VAT1L: variants seen among roughly 807,000 people sequenced by gnomAD.
The protein encoded by VAT1L is vesicle amine transport 1 like.
In VAT1L, 34 loss-of-function variants were observed where a neutral mutation model predicts 44.1. The ratio of observed to expected loss-of-function variants is 0.77; its 90% confidence interval spans 0.59 to 1.03. The LOEUF (loss-of-function observed/expected upper bound fraction) is 1.03, where lower values mean the gene tolerates loss of function less well. VAT1L is among the 50% of genes least tolerant of loss of function. The pLI, the probability that VAT1L is intolerant of heterozygous loss-of-function variation, is 0.00. For synonymous variants in VAT1L, 253 were observed against 202.2 expected (o/e 1.25, Z -2.13); for missense variants, 615 against 538.8 (o/e 1.14, Z -1.40).
At chr16:77,856,914 C>G (rs988499681) in intron 3 of VAT1L, among the ~76,000 whole-genome samples, 1 of 152,166 alleles carries the variant, frequency 6.6e-6, no homozygotes, top group Admixed American at 6.5e-5. Context: ...GCCAGGTAAC[C>G]TTGGGAACTT....
chr16:77,866,297 G>T (rs1273081400), intron 4 of VAT1L, among the ~76,000 whole-genome samples: 1 of 152,204 alleles, frequency 6.6e-6, no homozygotes, highest in Admixed American at 6.5e-5. Context: ...ATCAACAGAA[G>T]GGAAATAGTT....
At chr16:77,906,060 C>A (rs753489826) in intron 7 of VAT1L, among the ~76,000 whole-genome samples, 2 of 152,158 alleles carry the variant, frequency 1.3e-5, no homozygotes, top group East Asian at 3.9e-4. Flanking sequence ...CCACTGTCCC[C>A]CCAGTAATGA....
chr16:77,880,808 C>A (rs537726541), intron 6 of VAT1L, among the ~76,000 whole-genome samples: 1 of 151,974 alleles, frequency 6.6e-6, no homozygotes, highest in East Asian at 1.9e-4. Context: ...ATATTTATGT[C>A]CATGAGTACC....
intron 1 of VAT1L, among the ~76,000 whole-genome samples, chr16:77,797,881 C>G (rs1192188513): frequency 1.3e-5 from 2 of 152,206 alleles, no homozygotes; most frequent in African/African-American, 4.8e-5. Flanking sequence ...TTTGATTCCT[C>G]TGTGTGTGAT....
chr16:77,901,559 T>C (rs2017383663), intron 7 of VAT1L, among the ~76,000 whole-genome samples: 1 of 152,202 alleles, frequency 6.6e-6, no homozygotes, highest in African/African-American at 2.4e-5. Context: ...CTGGGTCCTA[T>C]CAAGTGCCTC....
intron 7 of VAT1L, among the ~76,000 whole-genome samples, chr16:77,934,388 G>A (rs986785410): frequency 1.3e-5 from 2 of 151,974 alleles, no homozygotes; most frequent in African/African-American, 4.8e-5. Flanking sequence ...GATTTTACAG[G>A]TGTGATTAAG....
intron 7 of VAT1L, among the ~76,000 whole-genome samples, chr16:77,954,048 G>C (rs181582853): frequency 1.1e-4 from 16 of 152,164 alleles, no homozygotes; most frequent in South Asian, 6.2e-4. Flanking sequence ...ACTGAGATTC[G>C]TCCCTGAAAC....
chr16:77,795,001 T>C (rs2015902501), intron 1 of VAT1L, among the ~76,000 whole-genome samples: 1 of 152,206 alleles, frequency 6.6e-6, no homozygotes, highest in Non-Finnish European at 1.5e-5. Context: ...AAAGGAAACC[T>C]AGAATCAGTG....
At chr16:77,859,748 G>C (rs2016897098) in intron 3 of VAT1L, among the ~76,000 whole-genome samples, 1 of 152,218 alleles carries the variant, frequency 6.6e-6, no homozygotes, top group African/African-American at 2.4e-5. Context: ...GGGACGTGGG[G>C]TTGAGGGAGG....
At chr16:77,938,630 C>T (rs1284129120) in intron 7 of VAT1L, among the ~76,000 whole-genome samples, 1 of 152,118 alleles carries the variant, frequency 6.6e-6, no homozygotes, top group Non-Finnish European at 1.5e-5. Context: ...GCCTGCTTCC[C>T]CTTTACCTTC....
intron 4 of VAT1L, among the ~76,000 whole-genome samples, chr16:77,865,509 G>C (rs533278326): frequency 2.0e-5 from 3 of 152,204 alleles, no homozygotes; most frequent in Non-Finnish European, 4.4e-5. Flanking sequence ...GTGGAATATA[G>C]AGTCTTAACG....
chr16:77,906,748 T>C (rs952394301), intron 7 of VAT1L, among the ~76,000 whole-genome samples: 4 of 152,146 alleles, frequency 2.6e-5, no homozygotes, highest in African/African-American at 7.2e-5. Flanking sequence ...TTTAGGGTTG[T>C]GCATGTGAGT....
At chr16:77,848,994 A>G (rs568517249) in intron 3 of VAT1L, among the ~76,000 whole-genome samples, 9 of 152,326 alleles carry the variant, frequency 5.9e-5, no homozygotes, top group African/African-American at 2.2e-4. Flanking sequence ...GAACAATGAG[A>G]ACACATGGAT....
At chr16:77,904,506 G>C (rs117706414) in intron 7 of VAT1L, among the ~76,000 whole-genome samples, 1 of 152,086 alleles carries the variant, frequency 6.6e-6, no homozygotes, top group Non-Finnish European at 1.5e-5. Flanking sequence ...GTCCTCACGC[G>C]GTCCCCACTC....
At position 77,825,429 on chromosome 16, in the gene VAT1L, T is replaced by A. The variant is rs1200307940; in HGVS notation, c.547T>A (p.Ser183Thr). The A allele has an allele frequency of 1.2e-6, 2 of 1,603,866 alleles. No individual in the cohort carries two copies. The highest frequency in any genetic ancestry group is 8.5e-7 in the Non-Finnish European group (1 of 1,174,544). ...FEVANLREGM[S>T]VLVHSAGGGV... is the part of the protein sequence containing the mutation. ...AGTTGCCAACCTCCGGGAAGGGATGTCTGTGCTCGTGCACTCAGCTGGTGG... is the reference window on the plus strand; with the variant it reads ...AGTTGCCAACCTCCGGGAAGGGATGACTGTGCTCGTGCACTCAGCTGGTGG... The change falls in exon 3 of 9, where the codon TCT becomes ACT. Residue 183 changes from serine (S) to threonine (T), a missense_variant. By Grantham distance (58) the Ser-to-Thr change is moderately conservative. Coordinates refer to ENST00000302536, the MANE Select transcript of VAT1L (RefSeq NM_020927.3).
intron 8 of VAT1L, among the ~76,000 whole-genome samples, chr16:77,975,194 C>CTGTTTTTTTTTTT (rs2018323436): frequency 2.5e-5 from 1 of 39,836 alleles, no homozygotes; most frequent in Non-Finnish European, 4.2e-5. Context: ...GGAATGACCA[C>CTGTTTTTTTTTTT]TTTTTTTTTT....
At chr16:77,873,527 G>A (rs2017054506) in intron 4 of VAT1L, among the ~76,000 whole-genome samples, 1 of 152,080 alleles carries the variant, frequency 6.6e-6, no homozygotes, top group Non-Finnish European at 1.5e-5. Context: ...TATTTCTTGA[G>A]AAGCAACACT....
At chr16:77,924,512 G>A (rs984438059) in intron 7 of VAT1L, among the ~76,000 whole-genome samples, 3 of 151,996 alleles carry the variant, frequency 2.0e-5, no homozygotes, top group Admixed American at 6.6e-5. Context: ...CCAGGCTGGA[G>A]TGCAGTGACA....
At position 77,958,377 on chromosome 16, in the gene VAT1L, A is replaced by G. The variant is rs1011586781; in HGVS notation, c.1078-13473A>G. 6.6e-5 allele frequency among the ~76,000 whole-genome samples: 10 copies of G among 152,288 alleles called. No homozygotes were observed. The South Asian group carries it at 1.2e-3, about 19-fold the overall frequency. On this transcript the variant is annotated intron_variant, in intron 7 of 8. Coordinates refer to ENST00000302536, the MANE Select transcript of VAT1L (RefSeq NM_020927.3). ...ATCTCTCTTACACACTGCGCAACAG[A>G]TATTTTCCCGCAGGTCTTTCCAAGG...
Sources: gnomAD v4.1 joint callset for allele counts (sites outside exome capture counted in the v4.1 genomes callset) on GRCh38, gnomAD v4.1.1 for gene constraint, MANE v1.5 for transcripts, NCBI Gene and HGNC (gene_info 2026-07-23, HGNC 2026-07-21) for gene names.